The following LIMS1 variants were observed in gnomAD, a reference collection of about 807,000 sequenced individuals.
LIMS1 encodes LIM and senescent cell antigen-like-containing domain protein 1.
In LIMS1, 18 loss-of-function variants were observed where a neutral mutation model predicts 44.1. The ratio of observed to expected loss-of-function variants is 0.41; its 90% CI spans 0.28 to 0.61. The LOEUF is 0.61. Among genes scored for constraint, LIMS1 ranks in the 20% least tolerant of loss-of-function variants. The pLI is 0.32. For missense variants in LIMS1, 201 were observed against 422.0 expected (o/e 0.48, Z 4.59); for synonymous variants, 93 against 149.1 (o/e 0.62, Z 2.74).
chr2:108,608,885 G>A (rs1687427775), intron 1 of LIMS1, among the ~76,000 whole-genome samples: 1 of 152,122 alleles, frequency 6.6e-6, no homozygotes, highest in Non-Finnish European at 1.5e-5. Context: ...AGTATGTGAA[G>A]CATTAACACC....
chr2:108,660,240 C>G, intron 2 of LIMS1: 1 of 470,610 alleles, frequency 2.1e-6, no homozygotes, highest in South Asian at 1.6e-5. Context: ...AGCGTCCATG[C>G]ATTTATTTTC....
intron 1 of LIMS1, among the ~76,000 whole-genome samples, chr2:108,586,911 A>T (rs1328380035): frequency 6.6e-6 from 1 of 152,168 alleles, no homozygotes; most frequent in African/African-American, 2.4e-5. Flanking sequence ...TCCAGCTTCC[A>T]TCTGCCTTCC....
At chr2:108,536,755 A>AT (rs906644546) in intron 1 of LIMS1, among the ~76,000 whole-genome samples, 1 of 151,926 alleles carries the variant, frequency 6.6e-6, no homozygotes, top group African/African-American at 2.4e-5. Flanking sequence ...TAATTTTTGT[A>AT]TTTTTTTGGT....
intron 1 of LIMS1, among the ~76,000 whole-genome samples, chr2:108,635,429 T>TAAAAAAAAAAAAAAAAA (rs70956264): frequency 1.2e-5 from 1 of 86,724 alleles, no homozygotes; most frequent in African/African-American, 4.9e-5. Context: ...ACTTCATCTC[T>TAAAAAAAAAAAAAAAAA]AAAAAAAAAA....
At chr2:108,625,993 T>G (rs1235182039) in intron 1 of LIMS1, among the ~76,000 whole-genome samples, 1 of 152,230 alleles carries the variant, frequency 6.6e-6, no homozygotes, top group African/African-American at 2.4e-5. Context: ...TTTGTGTGTG[T>G]GGGCCCACCA....
intron 1 of LIMS1, among the ~76,000 whole-genome samples, chr2:108,641,779 G>A (rs181419500): frequency 8.5e-5 from 13 of 152,270 alleles, no homozygotes; most frequent in Admixed American, 2.6e-4. Flanking sequence ...AAGGCAAAAT[G>A]GCATATTAAT....
intron 1 of LIMS1, among the ~76,000 whole-genome samples, chr2:108,628,308 T>A (rs1688696054): frequency 6.6e-6 from 1 of 152,242 alleles, no homozygotes; most frequent in African/African-American, 2.4e-5. Flanking sequence ...TTTTCCTTTG[T>A]CTTTCAGTGT....
At chr2:108,638,487 T>C (rs1689431764) in intron 1 of LIMS1, among the ~76,000 whole-genome samples, 1 of 152,152 alleles carries the variant, frequency 6.6e-6, no homozygotes, top group Admixed American at 6.5e-5. Flanking sequence ...TTCACGCCTG[T>C]AACCCCAGCA....
chr2:108,536,818 TG>T (rs1269645909), intron 1 of LIMS1, among the ~76,000 whole-genome samples: 1 of 152,154 alleles, frequency 6.6e-6, no homozygotes, highest in Admixed American at 6.5e-5. Flanking sequence ...CCCAAACTCC[TG>T]GGTTCCAGCA....
intron 1 of LIMS1, among the ~76,000 whole-genome samples, chr2:108,555,764 G>A (rs1684906425): frequency 6.6e-6 from 1 of 152,260 alleles, no homozygotes; most frequent in African/African-American, 2.4e-5. Context: ...GCACTCAGAA[G>A]TGCTGTGTGC....
At chr2:108,581,279 C>G (rs567109456) in intron 1 of LIMS1, among the ~76,000 whole-genome samples, 87 of 152,244 alleles carry the variant, frequency 5.7e-4, no homozygotes, top group Non-Finnish European at 9.7e-4. Context: ...ACTTAACCCC[C>G]GCCAGTCGTA....
At chr2:108,654,344 G>C (rs1395455839) in intron 1 of LIMS1, among the ~76,000 whole-genome samples, 8 of 151,892 alleles carry the variant, frequency 5.3e-5, no homozygotes, top group Admixed American at 4.6e-4. Context: ...CTGGAGTCCA[G>C]TAGAAGAGTT....
At position 108,560,503 on chromosome 2, in the gene LIMS1, C is replaced by G. The variant is rs188073744; in HGVS notation, c.32+25909C>G. 3.0e-3 allele frequency among the ~76,000 whole-genome samples: 463 copies of G among 152,152 alleles called. 3 individuals carry two copies. Among genetic ancestry groups the G allele is most frequent in the African/African-American group, 0.011 (455 of 41,514 alleles). On this transcript the variant is annotated intron_variant, in intron 1 of 9. Transcript: ENST00000544547. ...GGGGCTTCCATCCCAGAGGCTTTCA[C>G]CAGCTGTTCCTACCCAAAGACTGTG...
At chr2:108,577,723 A>G (rs1006210832) in intron 1 of LIMS1, among the ~76,000 whole-genome samples, 2 of 152,208 alleles carry the variant, frequency 1.3e-5, no homozygotes, top group Admixed American at 1.3e-4. Context: ...GAGAGAGAGA[A>G]AAAAGGTGCT....
chr2:108,603,300 T>G (rs1290319792), intron 1 of LIMS1, among the ~76,000 whole-genome samples: 1 of 152,146 alleles, frequency 6.6e-6, no homozygotes, highest in African/African-American at 2.4e-5. Context: ...TATTATGGCT[T>G]TGATCTCGTT....
intron 1 of LIMS1, among the ~76,000 whole-genome samples, chr2:108,541,970 A>C (rs993813416): frequency 1.3e-5 from 2 of 152,206 alleles, no homozygotes; most frequent in Non-Finnish European, 2.9e-5. Flanking sequence ...CTTTTCTGCC[A>C]AAGTGTAATC....
At chr2:108,662,122 T>C (rs1691417698) in intron 2 of LIMS1, 3 of 1,605,436 alleles carry the variant, frequency 1.9e-6, no homozygotes, top group Non-Finnish European at 2.6e-6. Context: ...ACAGGCTTTG[T>C]TTTTCCAGAC....
At chr2:108,621,250 C>A in intron 1 of LIMS1, 1 of 1,504,438 alleles carries the variant, frequency 6.6e-7, no homozygotes, top group Non-Finnish European at 8.9e-7. Flanking sequence ...AAGGCTGAGT[C>A]AGGTGTGCTG....
At chr2:108,637,623 T>C (rs1558821579) in intron 1 of LIMS1, among the ~76,000 whole-genome samples, 1 of 152,232 alleles carries the variant, frequency 6.6e-6, no homozygotes, top group Non-Finnish European at 1.5e-5. Context: ...AATACTGCCA[T>C]TCTGTATTGG....
Sources: allele counts gnomAD v4.1 joint callset (sites outside exome capture counted in the v4.1 genomes callset), GRCh38; gene constraint gnomAD v4.1.1; transcripts MANE v1.5; gene names NCBI Gene and HGNC (gene_info 2026-07-23, HGNC 2026-07-21).